PCP4L1: variants seen among roughly 807,000 people sequenced by gnomAD.
The protein encoded by PCP4L1 is Purkinje cell protein 4-like protein 1.
Under a neutral mutation model 9.6 loss-of-function variants are expected in PCP4L1, and 9 were observed. That is an observed-to-expected ratio of 0.94 (90% CI 0.57 to 1.64). The LOEUF is 1.64. Among genes scored for constraint, PCP4L1 ranks in the 40% most tolerant of loss-of-function variants. PCP4L1 has a pLI of 0.00. For synonymous variants in PCP4L1, 31 were observed against 28.2 expected, an observed-to-expected ratio of 1.10 and a Z score of -0.31; for missense variants, 81 against 80.8, an observed-to-expected ratio of 1.00 and a Z score of -0.01.
intron 1 of PCP4L1, among the ~76,000 whole-genome samples, chr1:161,276,494 G>C (rs1178468672): frequency 6.6e-6 from 1 of 152,036 alleles, no homozygotes; most frequent in Non-Finnish European, 1.5e-5. Flanking sequence ...ACCAGCCTGG[G>C]AAGCATAGCA....
intron 1 of PCP4L1, among the ~76,000 whole-genome samples, chr1:161,274,462 G>A (rs987943903): frequency 6.6e-6 from 1 of 152,170 alleles, no homozygotes; most frequent in Admixed American, 6.5e-5. Flanking sequence ...TACAGCTCTT[G>A]CAGTTTGGCC....
intron 1 of PCP4L1, among the ~76,000 whole-genome samples, chr1:161,272,121 A>G (rs761096177): frequency 4.7e-5 from 7 of 150,524 alleles, no homozygotes; most frequent in Non-Finnish European, 8.9e-5. Flanking sequence ...GTACATATTC[A>G]TGGGGGTACA....
chr1:161,284,431 C>A lies in PCP4L1; in HGVS notation c.157C>A (p.Gln53Lys). The A allele has an allele frequency of 6.2e-7, 1 of 1,613,954 alleles. No homozygotes were observed. Among genetic ancestry groups the A allele is most frequent in the Non-Finnish European group, 8.5e-7 (1 of 1,179,874 alleles). ...AACAGAGAAGGCTGCCCTTGCTATT[C>A]AGGGCAAGTTCCGGCGATTTCAGAA... ...PETEKAALAI[Q>K]GKFRRFQKRK... Residue 53 changes from glutamine to lysine, a missense_variant, in exon 3 of 3, where the codon CAG (glutamine) becomes AAG (lysine). Coordinates refer to ENST00000504449, the MANE Select transcript of PCP4L1 (RefSeq NM_001102566.2).
In PCP4L1 at chr1:161,276,703, A is replaced by ATG. The variant is rs1167489446; in HGVS notation, c.10-6953_10-6952dup. ...TCTTAAAAAAAAAAAAAAGGAAAAT[A>ATG]TGTGTGTGTGTGTATATATATATGT... On this transcript the variant is annotated intron_variant, in intron 1 of 2. Coordinates refer to ENST00000504449, the MANE Select transcript of PCP4L1 (RefSeq NM_001102566.2). Among the ~76,000 whole-genome samples the ATG allele has an allele frequency of 3.2e-4, 43 of 136,320 alleles. No homozygotes were observed. In the East Asian group the frequency reaches 4.8e-3, roughly 15 times the overall value. 89.4% of individuals were successfully genotyped at this position (136,320 alleles called of 152,430 possible). A position where few individuals can be genotyped will look rare whatever the true frequency, so the allele number is the denominator to read the frequency against.
At chr1:161,268,551 CTT>C (rs10654377) in intron 1 of PCP4L1, among the ~76,000 whole-genome samples, 3 of 114,046 alleles carry the variant, frequency 2.6e-5, no homozygotes, top group East Asian at 2.4e-4. Context: ...TTCCTTTTAC[CTT>C]TTTTTTTTTT....
At chr1:161,270,421 ATGTT>A (rs1339952649) in intron 1 of PCP4L1, among the ~76,000 whole-genome samples, 7 of 152,102 alleles carry the variant, frequency 4.6e-5, no homozygotes, top group Non-Finnish European at 7.4e-5. Flanking sequence ...AATGGTCTGA[ATGTT>A]TGTGTACCCC....
At chr1:161,284,055 T>C (rs890673110) in intron 2 of PCP4L1, among the ~76,000 whole-genome samples, 9 of 152,178 alleles carry the variant, frequency 5.9e-5, no homozygotes, top group African/African-American at 2.2e-4. Context: ...TGAGTGTGCA[T>C]TGGAACTTGA....
intron 1 of PCP4L1, among the ~76,000 whole-genome samples, chr1:161,274,273 C>T (rs148659632): frequency 0.01 from 1,527 of 152,020 alleles, 36 homozygotes; most frequent in African/African-American, 0.033. Flanking sequence ...TAAACCATGT[C>T]ATTGTTGTTA....
rs34495529 is a variant in PCP4L1, at chr1:161,271,977, CT to C, written c.10-11679del. 4.0e-3 allele frequency among the ~76,000 whole-genome samples: 545 copies of C among 135,528 alleles called. 1 individual carries two copies. The highest frequency in any genetic ancestry group is 4.8e-3 in the Non-Finnish European group (299 of 62,560). The allele number at this position is 135,528 out of a possible 152,430, so 88.9% of individuals were successfully genotyped here. A position where few individuals can be genotyped will look rare whatever the true frequency, so the allele number is the denominator to read the frequency against. ...TGCATGTCACCACACTTGGACTAAC[CT>C]TTTTTTTTTTTAGTGGAGACAAAGT... On this transcript the variant is annotated intron_variant, in intron 1 of 2. Coordinates refer to ENST00000504449, the MANE Select transcript of PCP4L1 (RefSeq NM_001102566.2).
At chr1:161,276,055 A>G (rs990341973) in intron 1 of PCP4L1, among the ~76,000 whole-genome samples, 1 of 152,090 alleles carries the variant, frequency 6.6e-6, no homozygotes, top group African/African-American at 2.4e-5. Context: ...TCGGCCTCCC[A>G]AAGTGCTGGG....
intron 2 of PCP4L1, 148 bp downstream of exon 2, chr1:161,283,870 T>G (rs999218858): frequency 4.0e-6 from 3 of 752,802 alleles, no homozygotes; most frequent in Non-Finnish European, 6.5e-6. Flanking sequence ...GGAACTACAG[T>G]ACTATATCTA....
At chr1:161,283,777 G>A in intron 2 of PCP4L1, 55 bp downstream of exon 2, 1 of 1,514,776 alleles carries the variant, frequency 6.6e-7, no homozygotes, top group African/African-American at 1.4e-5. Flanking sequence ...GAGACATAAA[G>A]ACAAGTAGGG....
At chr1:161,279,064 T>G (rs1669752126) in intron 1 of PCP4L1, among the ~76,000 whole-genome samples, 1 of 152,230 alleles carries the variant, frequency 6.6e-6, no homozygotes, top group African/African-American at 2.4e-5. Flanking sequence ...ATTACAGGCA[T>G]GAGCCACTGC....
At chr1:161,284,241 T>G in intron 2 of PCP4L1, 98 bp from the exon 3 acceptor site, 1 of 1,537,492 alleles carries the variant, frequency 6.5e-7, no homozygotes, top group Non-Finnish European at 8.9e-7. Flanking sequence ...CCACAGAGTC[T>G]GGCACAAGGT....
chr1:161,271,645 A>T (rs919891496), intron 1 of PCP4L1, among the ~76,000 whole-genome samples: 1 of 151,916 alleles, frequency 6.6e-6, no homozygotes, highest in African/African-American at 2.4e-5. Flanking sequence ...CTGGGACTAC[A>T]GGCACGTGCC....
chr1:161,258,767 C>T lies in PCP4L1; in HGVS notation c.-208C>T, dbSNP rs543124857. Reference sequence around the variant, plus strand: ...GCTGAGCGGCTCTGACAGGACGGGTCGCAGGGGGTCGCCTGGCCGGAGCTG... The same window carrying T: ...GCTGAGCGGCTCTGACAGGACGGGTTGCAGGGGGTCGCCTGGCCGGAGCTG... On this transcript the variant is annotated 5_prime_UTR_variant, in exon 1 of 3. Coordinates refer to ENST00000504449, the MANE Select transcript of PCP4L1 (RefSeq NM_001102566.2). The T allele has an allele frequency of 1.6e-3, 1,176 of 746,842 alleles. 7 individuals are homozygous for T. The highest frequency in any genetic ancestry group is 1.1e-3 in the Non-Finnish European group (484 of 457,194). The allele number at this position is 746,842 out of a possible 1,614,324, so 46.3% of individuals were successfully genotyped here. A position where few individuals can be genotyped will look rare whatever the true frequency, so the allele number is the denominator to read the frequency against.
intron 1 of PCP4L1, among the ~76,000 whole-genome samples, chr1:161,268,053 T>C (rs149476944): frequency 3.9e-4 from 59 of 152,214 alleles, no homozygotes; most frequent in African/African-American, 1.2e-3. Flanking sequence ...ACTTACACAA[T>C]CATTTTCATG....
At chr1:161,281,383 G>A (rs886897806) in intron 1 of PCP4L1, among the ~76,000 whole-genome samples, 6 of 152,156 alleles carry the variant, frequency 3.9e-5, no homozygotes, top group African/African-American at 1.2e-4. Context: ...GGTGGTGGCC[G>A]GGCAGAGGGG....
At chr1:161,280,752 C>T (rs1209130092) in intron 1 of PCP4L1, among the ~76,000 whole-genome samples, 1 of 152,234 alleles carries the variant, frequency 6.6e-6, no homozygotes, top group Admixed American at 6.5e-5. Flanking sequence ...ACGTGGCTTC[C>T]ACATTACTGT....
Sources: gnomAD v4.1 joint callset for allele counts (sites outside exome capture counted in the v4.1 genomes callset) on GRCh38, gnomAD v4.1.1 for gene constraint, MANE v1.5 for transcripts, NCBI Gene and HGNC (gene_info 2026-07-23, HGNC 2026-07-21) for gene names.